The following RNASET2 variants were observed in gnomAD, a reference collection of about 807,000 sequenced individuals.
The protein encoded by RNASET2 is ribonuclease 6.
In RNASET2, 28 loss-of-function variants were observed where a neutral mutation model predicts 33.9. The observed-to-expected ratio is 0.83, with a 90% CI of 0.61 to 1.13. RNASET2 has a LOEUF of 1.13. Among genes scored for constraint, RNASET2 ranks in the 50% most tolerant of loss-of-function variants. The pLI is 0.00. For synonymous variants in RNASET2, 123 were observed against 121.0 expected (o/e 1.02, Z -0.11); for missense variants, 330 against 319.9 (o/e 1.03, Z -0.24).
chr6:166,955,298 GCGCACACACGACACACACGCACACACA>G (rs1486941875), intron 1 of RNASET2, among the ~76,000 whole-genome samples: 1 of 31,946 alleles, frequency 3.1e-5, no homozygotes, highest in Non-Finnish European at 5.1e-5. Context: ...ACGCACAGAC[GCGCACACACGACACACACGCACACACA>G]CGCACGCACG....
chr6:166,943,360 A>G (rs1359184819), intron 4 of RNASET2: 1 of 382,428 alleles, frequency 2.6e-6, no homozygotes, highest in Admixed American at 3.7e-5. Flanking sequence ...GAATATTTTC[A>G]GCAACAAAAA....
chr6:166,954,853 G>A (rs551942837), intron 1 of RNASET2, among the ~76,000 whole-genome samples: 1 of 152,124 alleles, frequency 6.6e-6, no homozygotes, highest in Non-Finnish European at 1.5e-5. Context: ...TTAGCCAGGC[G>A]TGGTGGTGTG....
At position 166,948,590 on chromosome 6, in the gene RNASET2, G is replaced by A; in HGVS notation, c.183C>T (p.Tyr61=). 6.2e-7 allele frequency: 1 copy of A among 1,601,592 alleles called. No homozygotes were observed. Among genetic ancestry groups the A allele is most frequent in the Non-Finnish European group, 8.6e-7 (1 of 1,169,078 alleles). The change falls in exon 3 of 9, where the codon TAC becomes TAT. Residue 61 remains tyrosine (Y), a synonymous_variant. Transcript: ENST00000508775. The part of the protein sequence containing the change: ...IQNDCRDPPD[Y]WTIHGLWPDK... ...CTTGCCATAGTCCATGTATTGTCCA[G>A]TAATCCGGAGGGTCTCTACAGTCGT... is the stretch of plus-strand genomic sequence containing the variant.
rs529729704 is a variant in RNASET2 at position 166,943,556 on chromosome 6, G to T, written c.262-467C>A. On this transcript the variant is annotated intron_variant, in intron 4 of 8. Transcript: ENST00000508775. Reference sequence around the variant, plus strand: ...TTGGGGGTTCAAGGGGAGGAAGAAGGGGAGGTATGGCTCAGGGGGTTTAGG... The same window carrying T: ...TTGGGGGTTCAAGGGGAGGAAGAAGTGGAGGTATGGCTCAGGGGGTTTAGG... The T allele has an allele frequency of 1.1e-3, 355 of 322,602 alleles. 1 individual carries two copies. In the Middle Eastern group the frequency reaches 0.013, roughly 12 times the overall value. The allele number at this position is 322,602 out of a possible 1,614,324, so 20.0% of individuals were successfully genotyped here.
intron 4 of RNASET2, among the ~76,000 whole-genome samples, chr6:166,945,669 A>G (rs1778817603): frequency 6.6e-6 from 1 of 152,010 alleles, no homozygotes; most frequent in African/African-American, 2.4e-5. Flanking sequence ...CATGTCTACT[A>G]AAAATACAAA....
rs540962251 is a variant in RNASET2, at chr6:166,928,742, C to T, written c.*846G>A. Among the ~76,000 whole-genome samples the T allele has an allele frequency of 2.6e-5, 4 of 152,282 alleles. No individual in the cohort carries two copies. Among genetic ancestry groups the T allele is most frequent in the South Asian group, 4.1e-4 (2 of 4,832 alleles). ...CGAGTGAAATCCCTGCACGGCAGGCCGAGAGCGTGGGTGCAGCAGTCTGCC... is the reference window on the plus strand; with the variant it reads ...CGAGTGAAATCCCTGCACGGCAGGCTGAGAGCGTGGGTGCAGCAGTCTGCC... On this transcript the variant is annotated 3_prime_UTR_variant, in exon 9 of 9. Transcript: ENST00000508775.
chr6:166,943,580 G>T, intron 4 of RNASET2: 1 of 337,312 alleles, frequency 3.0e-6, no homozygotes. Flanking sequence ...AGGGGGTTTA[G>T]GGCCAGCGGC....
Position 166,943,043 on chromosome 6 carries a change from G to C in RNASET2, c.308C>G (p.Ser103Trp). 6.2e-7 allele frequency: 1 copy of C among 1,613,662 alleles called. No individual in the cohort carries two copies. Among genetic ancestry groups the C allele is most frequent in the Non-Finnish European group, 8.5e-7 (1 of 1,179,806 alleles). The change falls in exon 5 of 9, where the codon TCG (serine) becomes TGG (tryptophan). Residue 103 changes from serine (S) to tryptophan (W), a missense_variant. Transcript: ENST00000508775. ...MRAYWPDVIH[S>W]FPNRSRFWKH... ...CCAGAAGCGGCTGCGATTGGGAAAC[G>C]AGTGAATTACGTCAGGCCAGTATGC...
intron 1 of RNASET2, among the ~76,000 whole-genome samples, chr6:166,954,938 C>T (rs1033142151): frequency 1.3e-5 from 2 of 152,070 alleles, no homozygotes; most frequent in Admixed American, 6.5e-5. Flanking sequence ...TTGCAGTGAG[C>T]TGAGGTCACG....
chr6:166,924,380 T>C lies in RNASET2; in HGVS notation c.*5208A>G, dbSNP rs1673109677. 6.6e-6 allele frequency among the ~76,000 whole-genome samples: 1 copy of C among 152,100 alleles called. No individual in the cohort carries two copies. Among genetic ancestry groups the C allele is most frequent in the Non-Finnish European group, 1.5e-5 (1 of 68,016 alleles). On this transcript the variant is annotated 3_prime_UTR_variant, in exon 9 of 9. Transcript: ENST00000508775. The stretch of plus-strand genomic sequence containing the variant: ...TCCCAAAGTGCTGGTATTACAGGCA[T>C]GAGCCACCACGCCCGGCCTCTCTTT...
intron 6 of RNASET2, among the ~76,000 whole-genome samples, chr6:166,938,072 A>G (rs1280964576): frequency 1.3e-5 from 2 of 152,262 alleles, no homozygotes; most frequent in African/African-American, 4.8e-5. Context: ...CTGATTAGCT[A>G]AGGCTCCTGG....
rs142654433 is a variant in RNASET2 at position 166,933,837 on chromosome 6, C to G, written c.492+254G>C. On this transcript the variant is annotated intron_variant, in intron 7 of 8. Transcript: ENST00000508775. The surrounding 1 kb of genome is among the most constrained non-coding windows in gnomAD (Gnocchi z 4.1). ...GCAGATTCCACCTGCTCTGCCGGAC[C>G]CTGGAGCACACACTTCTCACAAAGG... 3 of 565,994 alleles carry G rather than the reference C, an allele frequency of 5.3e-6. No individual in the cohort carries two copies. The highest frequency in any genetic ancestry group is 9.4e-6 in the Non-Finnish European group (3 of 317,992). 35.1% of individuals were successfully genotyped at this position (565,994 alleles called of 1,614,324 possible). A position where few individuals can be genotyped will look rare whatever the true frequency, so the allele number is the denominator to read the frequency against.
intron 1 of RNASET2, chr6:166,955,514 T>C (rs1779142694): frequency 3.0e-6 from 3 of 986,082 alleles, no homozygotes; most frequent in Non-Finnish European, 3.6e-6. Flanking sequence ...CAGTGAAAGC[T>C]GAAATTAAGT....
chr6:166,930,156 A>G (rs1037544576), intron 8 of RNASET2, among the ~76,000 whole-genome samples: 6 of 152,258 alleles, frequency 3.9e-5, no homozygotes, highest in Non-Finnish European at 7.3e-5. Flanking sequence ...TATTAGGAGA[A>G]GAAATGGCTT....
At chr6:166,955,991 C>G (rs553458592) in intron 1 of RNASET2, 106 bp downstream of exon 1, 1 of 1,238,556 alleles carries the variant, frequency 8.1e-7, no homozygotes, top group East Asian at 2.5e-5. Context: ...CCAGTCGCTG[C>G]CCGGGGCTCA....
At chr6:166,946,622 GAAGAA>G in intron 4 of RNASET2, 55 bp downstream of exon 4, 1 of 930,778 alleles carries the variant, frequency 1.1e-6, no homozygotes, top group Non-Finnish European at 1.7e-6. Flanking sequence ...GTACGCTTGT[GAAGAA>G]AAGAGTTAAT....
chr6:166,928,923 G>A lies in RNASET2; in HGVS notation c.*665C>T, dbSNP rs1349715151. 1.3e-5 allele frequency among the ~76,000 whole-genome samples: 2 copies of A among 152,252 alleles called. No homozygotes were observed. Among genetic ancestry groups the A allele is most frequent in the African/African-American group, 4.8e-5 (2 of 41,474 alleles). Reference sequence around the variant, plus strand: ...TACCCTCTGATAAGAAGGAAGTGAGGCCTGACAGAAACTGACCTTCCAGTA... The same window carrying A: ...TACCCTCTGATAAGAAGGAAGTGAGACCTGACAGAAACTGACCTTCCAGTA... On this transcript the variant is annotated 3_prime_UTR_variant, in exon 9 of 9. Coordinates refer to ENST00000508775, the MANE Select transcript of RNASET2 (RefSeq NM_003730.6).
rs1258117235 is a variant in RNASET2, at chr6:166,928,441, G to A, written c.*1147C>T. Reference sequence around the variant, plus strand: ...CCGAATATTCACAGGCATTGATACAGCTGTTTTTTTTTTTTTTGTAAATTA... The same window carrying A: ...CCGAATATTCACAGGCATTGATACAACTGTTTTTTTTTTTTTTGTAAATTA... On this transcript the variant is annotated 3_prime_UTR_variant, in exon 9 of 9. Transcript: ENST00000508775. Among the ~76,000 whole-genome samples, 1 of 85,116 alleles carries A rather than the reference G, an allele frequency of 1.2e-5. No homozygotes were observed. The highest frequency in any genetic ancestry group is 2.4e-5 in the Non-Finnish European group (1 of 42,520). The allele number at this position is 85,116 out of a possible 152,430, so 55.8% of individuals were successfully genotyped here.
intron 8 of RNASET2, among the ~76,000 whole-genome samples, chr6:166,930,257 A>G (rs1778387216): frequency 1.3e-5 from 2 of 152,268 alleles, no homozygotes; most frequent in Middle Eastern, 3.2e-3. Flanking sequence ...CTGTCCTAGC[A>G]TGCTGTCAAG....
Sources: gnomAD v4.1 joint callset for allele counts (sites outside exome capture counted in the v4.1 genomes callset) on GRCh38, gnomAD v4.1.1 for gene constraint, Gnocchi (gnomAD v3.1) non-coding constraint, MANE v1.5 for transcripts, NCBI Gene and HGNC (gene_info 2026-07-23, HGNC 2026-07-21) for gene names.